Variants in TRDN observed in about 807,000 individuals in gnomAD.
TRDN encodes triadin.
A neutral mutation model predicts 149.7 loss-of-function variants in TRDN; 161 were observed. The observed-to-expected ratio is 1.08, with a 90% CI of 0.95 to 1.23. The LOEUF (loss-of-function observed/expected upper bound fraction) is 1.23, where lower values mean the gene tolerates loss of function less well. Ranked by LOEUF, TRDN falls within the 50% of genes most tolerant of loss-of-function variation. The pLI is 0.00. For missense variants in TRDN, 896 were observed against 823.5 expected, an observed-to-expected ratio of 1.09 and a Z score of -1.08; for synonymous variants, 294 against 250.5, an observed-to-expected ratio of 1.17 and a Z score of -1.64.
At chr6:123,386,844 A>C (rs538603535) in intron 14 of TRDN, among the ~76,000 whole-genome samples, 1 of 152,322 alleles carries the variant, frequency 6.6e-6, no homozygotes, top group Admixed American at 6.5e-5. Flanking sequence ...GGAGAGCTGG[A>C]ACCTCTGGCT....
At chr6:123,347,322 A>G (rs1780291816) in intron 21 of TRDN, among the ~76,000 whole-genome samples, 1 of 152,062 alleles carries the variant, frequency 6.6e-6, no homozygotes, top group African/African-American at 2.4e-5. Flanking sequence ...CACAGTTGTT[A>G]TCTACATTAT....
At chr6:123,547,247 A>T in intron 4 of TRDN, 93 bp downstream of exon 4, 1 of 778,220 alleles carries the variant, frequency 1.3e-6, no homozygotes. Context: ...CAAAACCTTT[A>T]TATTAAAATA....
At chr6:123,367,710 G>A (rs1024122472) in intron 19 of TRDN, among the ~76,000 whole-genome samples, 1 of 152,206 alleles carries the variant, frequency 6.6e-6, no homozygotes, top group Non-Finnish European at 1.5e-5. Flanking sequence ...TGAAACAGAT[G>A]CTGAGCGCAA....
chr6:123,260,500 T>C, intron 34 of TRDN, 112 bp downstream of exon 34: 2 of 1,176,970 alleles, frequency 1.7e-6, no homozygotes, highest in Non-Finnish European at 2.3e-6. Flanking sequence ...GAACAGAATA[T>C]CTGGAATTTG....
At chr6:123,350,239 T>A in intron 21 of TRDN, 1 of 960,822 alleles carries the variant, frequency 1.0e-6, no homozygotes, top group Non-Finnish European at 1.2e-6. Flanking sequence ...TTAAGAGAAC[T>A]GAATACTACA....
chr6:123,544,595 C>A (rs554542197), intron 4 of TRDN, among the ~76,000 whole-genome samples: 1 of 152,012 alleles, frequency 6.6e-6, no homozygotes, highest in African/African-American at 2.4e-5. Context: ...CCACTATACA[C>A]AACAAATAAT....
At chr6:123,410,153 T>C (rs374766735) in intron 12 of TRDN, among the ~76,000 whole-genome samples, 20 of 152,296 alleles carry the variant, frequency 1.3e-4, no homozygotes, top group Non-Finnish European at 2.2e-4. Flanking sequence ...AGTGAAATCA[T>C]TGATGCAGAA....
chr6:123,333,989 G>A (rs1779765154), intron 22 of TRDN, among the ~76,000 whole-genome samples: 1 of 151,910 alleles, frequency 6.6e-6, no homozygotes. Context: ...ATTCCCTAAG[G>A]GATAGGAAAA....
rs144886394 is a variant in TRDN at position 123,531,912 on chromosome 6, C to A, written c.425-1347G>T. Among the ~76,000 whole-genome samples the A allele has an allele frequency of 7.6e-4, 116 of 152,134 alleles. 2 individuals are homozygous for A. In the East Asian group the frequency reaches 0.022, roughly 28 times the overall value. ...TAGGATATTCAGCAGCATTCCTAGC[C>A]TCTACCTTTTAGATGCCAGTAGCCC... On this transcript the variant is annotated intron_variant, in intron 4 of 40. Transcript: ENST00000334268.
intron 1 of TRDN, among the ~76,000 whole-genome samples, chr6:123,627,867 C>A (rs1785760388): frequency 6.6e-6 from 1 of 152,170 alleles, no homozygotes; most frequent in Non-Finnish European, 1.5e-5. Context: ...TCTTAAACCT[C>A]ATGAACCAAC....
intron 24 of TRDN, among the ~76,000 whole-genome samples, chr6:123,315,588 A>G (rs1162623520): frequency 6.6e-6 from 1 of 151,968 alleles, no homozygotes; most frequent in Non-Finnish European, 1.5e-5. Context: ...TTTTAGACCA[A>G]CATCATGAAT....
chr6:123,254,062 G>T (rs188713217), intron 37 of TRDN, among the ~76,000 whole-genome samples: 196 of 152,070 alleles, frequency 1.3e-3, no homozygotes, highest in Admixed American at 2.3e-3. Flanking sequence ...TCTTTAAACT[G>T]GGCATGATAA....
chr6:123,273,307 C>T lies in TRDN; in HGVS notation c.1624+30G>A, dbSNP rs115962539. ...TTTCAATATTTTTTCGTAAGAAAGTCTAAGCATAAAAGATAAAATTAATAC... is the reference window on the plus strand; with the variant it reads ...TTTCAATATTTTTTCGTAAGAAAGTTTAAGCATAAAAGATAAAATTAATAC... On this transcript the variant is annotated intron_variant, in intron 28 of 40. Transcript: ENST00000334268. 5.7e-4 allele frequency: 621 copies of T among 1,085,116 alleles called. 4 individuals are homozygous for T. In the African/African-American group the frequency reaches 9.2e-3, roughly 16 times the overall value. The allele number at this position is 1,085,116 out of a possible 1,614,324, so 67.2% of individuals were successfully genotyped here.
chr6:123,616,844 AT>A (rs1318064346), intron 1 of TRDN, among the ~76,000 whole-genome samples: 3 of 150,596 alleles, frequency 2.0e-5, no homozygotes, highest in Non-Finnish European at 3.0e-5. Flanking sequence ...TCTGATCCCC[AT>A]TTTTTTTTCT....
chr6:123,627,322 A>G (rs1354894667), intron 1 of TRDN, among the ~76,000 whole-genome samples: 1 of 152,184 alleles, frequency 6.6e-6, no homozygotes, highest in Non-Finnish European at 1.5e-5. Flanking sequence ...CACGAAAACA[A>G]CATTAATCTT....
intron 21 of TRDN, chr6:123,351,868 C>A (rs1780473960): frequency 1.0e-6 from 1 of 984,654 alleles, no homozygotes; most frequent in Admixed American, 6.2e-5. Flanking sequence ...CACACTTGAG[C>A]TCTAAGAGAA....
rs867586916 is a variant in TRDN at position 123,294,384 on chromosome 6, T to A, written c.1511-15302A>T. 3.9e-5 allele frequency among the ~76,000 whole-genome samples: 6 copies of A among 152,246 alleles called. No homozygotes were observed. In the Middle Eastern group the frequency reaches 0.014, roughly 345 times the overall value. On this transcript the variant is annotated intron_variant, in intron 24 of 40. Coordinates refer to ENST00000334268, the MANE Select transcript of TRDN (RefSeq NM_006073.4). The stretch of plus-strand genomic sequence containing the variant: ...GGCCCTTGCTTATTTAACCTCCTAG[T>A]AAAGTTTGTGTCTTCAACATTGGTG...
At chr6:123,241,363 T>C (rs1775982158) in intron 38 of TRDN, among the ~76,000 whole-genome samples, 1 of 151,378 alleles carries the variant, frequency 6.6e-6, no homozygotes, top group African/African-American at 2.4e-5. Flanking sequence ...TAAGATACAC[T>C]AAACATGTAA....
intron 9 of TRDN, among the ~76,000 whole-genome samples, chr6:123,491,558 A>G (rs57440398): frequency 0.018 from 2,673 of 152,306 alleles, 72 homozygotes; most frequent in African/African-American, 0.062. Context: ...TTAATAATTA[A>G]AACTCCAAGA....
Sources: allele counts gnomAD v4.1 joint callset (sites outside exome capture counted in the v4.1 genomes callset), GRCh38; gene constraint gnomAD v4.1.1; transcripts MANE v1.5; gene names NCBI Gene and HGNC (gene_info 2026-07-23, HGNC 2026-07-21).